Variants in CCL24 observed in about 807,000 individuals in gnomAD.
The protein encoded by CCL24 is C-C motif chemokine 24.
CCL24 carries 6 observed loss-of-function variants against 8.6 expected under a neutral mutation model. The ratio of observed to expected loss-of-function variants is 0.70; its 90% CI spans 0.38 to 1.38. The LOEUF is 1.38. Among genes scored for constraint, CCL24 ranks in the 40% most tolerant of loss-of-function variants. CCL24 has a pLI of 0.02. For synonymous variants in CCL24, 59 were observed against 52.7 expected (o/e 1.12, Z -0.52); for missense variants, 126 against 147.1 (o/e 0.86, Z 0.74).
rs186933220 is a variant in CCL24 at position 75,820,370 on chromosome 7, G to A, written c.-60+2952C>T. On this transcript the variant is annotated intron_variant, in intron 1 of 3. Transcript: ENST00000416943. ...ATTTTTTTGTACTTTTAGTGGAGGC[G>A]GGGTTCCACCATGTTGGCCAGACTG... Among the ~76,000 whole-genome samples, 511 of 152,008 alleles carry A rather than the reference G, an allele frequency of 3.4e-3. 4 individuals carry two copies. The highest frequency in any genetic ancestry group is 0.011 in the African/African-American group (460 of 41,478).
intron 1 of CCL24, among the ~76,000 whole-genome samples, chr7:75,820,018 A>ACTACTTCTTCTT (rs1554534776): frequency 1.9e-5 from 2 of 104,906 alleles, no homozygotes; most frequent in African/African-American, 6.9e-5. Context: ...TTAGTAAACT[A>ACTACTTCTTCTT]CTTCTTCTTC....
intron 1 of CCL24, among the ~76,000 whole-genome samples, chr7:75,820,094 CT>C (rs2115810370): frequency 7.7e-6 from 1 of 130,564 alleles, no homozygotes; most frequent in South Asian, 2.8e-4. Flanking sequence ...TCTTCCTCTT[CT>C]TCTTCTTCTT....
chr7:75,820,197 C>CT (rs1308538478), intron 1 of CCL24, among the ~76,000 whole-genome samples: 5 of 133,908 alleles, frequency 3.7e-5, no homozygotes, highest in South Asian at 2.5e-4. Context: ...CCTTCTCCTT[C>CT]TTTTTTTGAG....
chr7:75,813,256 T>C lies in CCL24; in HGVS notation c.191+50A>G, dbSNP rs373933211. 1.6e-4 allele frequency: 180 copies of C among 1,141,652 alleles called. No homozygotes were observed. In the African/African-American group the frequency reaches 2.5e-3, roughly 16 times the overall value. 70.7% of individuals were successfully genotyped at this position (1,141,652 alleles called of 1,614,324 possible). ...CCTTGCTTCTCAGGGACCCTGGAGTTGCACCTGCCCCCACCCCTCTCCTGC... is the reference window on the plus strand; with the variant it reads ...CCTTGCTTCTCAGGGACCCTGGAGTCGCACCTGCCCCCACCCCTCTCCTGC... On this transcript the variant is annotated intron_variant, in intron 2 of 2. Transcript: ENST00000222902.
Position 75,813,784 on chromosome 7 carries a change from A to G in CCL24, c.-69T>C. 7.7e-7 allele frequency: 1 copy of G among 1,293,318 alleles called. No individual in the cohort carries two copies. Among genetic ancestry groups the G allele is most frequent in the Non-Finnish European group, 1.1e-6 (1 of 889,944 alleles). The allele number at this position is 1,293,318 out of a possible 1,614,324, so 80.1% of individuals were successfully genotyped here. On this transcript the variant is annotated 5_prime_UTR_variant, in exon 1 of 3. Coordinates refer to ENST00000222902, the MANE Select transcript of CCL24 (RefSeq NM_002991.3). ...TGCAGGAGGAAAGGACCTAGGGATA[A>G]ATAGCTCGGGTCCTTGCAGAGTACC...
upstream of CCL24, among the ~76,000 whole-genome samples, chr7:75,814,391 C>A (rs1322561787): frequency 2.0e-5 from 3 of 151,938 alleles, no homozygotes; most frequent in African/African-American, 7.3e-5. Flanking sequence ...CAAAGCAAGA[C>A]CCTATCTCTA....
chr7:75,813,285 G>C (rs368941088), intron 2 of CCL24, 21 bp downstream of exon 2: 1 of 1,451,020 alleles, frequency 6.9e-7, no homozygotes, highest in Admixed American at 1.7e-5. Flanking sequence ...CTCCTGCCAC[G>C]TGCCCATGAA....
At chr7:75,820,025 CTTCTTCTTCTTCTTCT>C (rs1803994445) in intron 1 of CCL24, among the ~76,000 whole-genome samples, 6 of 104,980 alleles carry the variant, frequency 5.7e-5, no homozygotes, top group Middle Eastern at 4.1e-3. Context: ...ACTACTTCTT[CTTCTTCTTCTTCTTCT>C]TCTTCTTCTT....
chr7:75,813,621 T>C (rs782807798), intron 1 of CCL24, 22 bp downstream of exon 1: 18 of 1,601,210 alleles, frequency 1.1e-5, no homozygotes, highest in Non-Finnish European at 1.5e-5. Context: ...CCCTTGGAAC[T>C]GCATCCTGTC....
At position 75,820,098 on chromosome 7, in the gene CCL24, T is replaced by C. The variant is rs140147663; in HGVS notation, c.-60+3224A>G. On this transcript the variant is annotated intron_variant, in intron 1 of 3. Transcript: ENST00000416943. Reference sequence around the variant, plus strand: ...CTTCTTCTTCTTCTTCCTCTTCTTCTTCTTCTTCCTTCTTCTTCTTCTTCT... The same window carrying C: ...CTTCTTCTTCTTCTTCCTCTTCTTCCTCTTCTTCCTTCTTCTTCTTCTTCT... Among the ~76,000 whole-genome samples the C allele has an allele frequency of 6.6e-3, 784 of 118,090 alleles. 5 individuals carry two copies. Among genetic ancestry groups the C allele is most frequent in the African/African-American group, 0.016 (551 of 34,146 alleles). The allele number at this position is 118,090 out of a possible 152,430, so 77.5% of individuals were successfully genotyped here. A position where few individuals can be genotyped will look rare whatever the true frequency, so the allele number is the denominator to read the frequency against.
chr7:75,822,724 G>C (rs1554535253), intron 1 of CCL24, among the ~76,000 whole-genome samples: 1 of 152,190 alleles, frequency 6.6e-6, no homozygotes. Flanking sequence ...AGCTACTCAG[G>C]AGGTTGAGGC....
intron 1 of CCL24, among the ~76,000 whole-genome samples, chr7:75,823,158 G>T (rs537665548): frequency 7.9e-5 from 12 of 152,160 alleles, no homozygotes; most frequent in Non-Finnish European, 1.6e-4. Flanking sequence ...GGGGGAGAGG[G>T]CAGTGGGGTG....
At chr7:75,817,303 A>G (rs191412847), upstream of CCL24, among the ~76,000 whole-genome samples, 2 of 151,972 alleles carry the variant, frequency 1.3e-5, no homozygotes, top group African/African-American at 4.8e-5. Context: ...TGGGGGGAGA[A>G]AGGATGGTCA....
At chr7:75,818,624 A>AG (rs1288631882), upstream of CCL24, among the ~76,000 whole-genome samples, 2 of 151,036 alleles carry the variant, frequency 1.3e-5, no homozygotes, top group African/African-American at 2.4e-5. Context: ...AAAAAAAAAA[A>AG]AAAATTAGAA....
At chr7:75,815,172 C>T (rs1803863570), upstream of CCL24, among the ~76,000 whole-genome samples, 1 of 151,464 alleles carries the variant, frequency 6.6e-6, no homozygotes, top group African/African-American at 2.4e-5. Context: ...GACCCTGTCT[C>T]CAAAAGAAAT....
At chr7:75,813,460 C>G (rs782042194) in intron 1 of CCL24, 37 bp from the exon 2 acceptor site, 1 of 1,492,604 alleles carries the variant, frequency 6.7e-7, no homozygotes. Context: ...CGTCTTTTCC[C>G]AGCCTCCCCT....
upstream of CCL24, among the ~76,000 whole-genome samples, chr7:75,814,974 C>CT (rs781828261): frequency 7.9e-5 from 12 of 152,062 alleles, 1 homozygote; most frequent in South Asian, 1.9e-3. Flanking sequence ...GAATCCCTGC[C>CT]AAGGGTCTGC....
At position 75,813,701 on chromosome 7, in the gene CCL24, C is replaced by A; in HGVS notation, c.15G>T (p.Met5Ile). MAGL[M>I]TIVTSLLFLG... ...GGAACAGAAGGCTGGTTACTATGGT[C>A]ATCAGGCCTGCCATGTCTCAGAGAG... is the stretch of plus-strand genomic sequence containing the variant. The change falls in exon 1 of 3, where the codon ATG becomes ATT. Residue 5 changes from methionine to isoleucine, a missense_variant. Transcript: ENST00000222902. The A allele has an allele frequency of 1.2e-6, 2 of 1,613,922 alleles. No individual in the cohort carries two copies. Among genetic ancestry groups the A allele is most frequent in the South Asian group, 2.2e-5 (2 of 90,984 alleles).
rs536233711 is a variant in CCL24 at position 75,822,975 on chromosome 7, G to A, written c.-60+347C>T. Among the ~76,000 whole-genome samples the A allele has an allele frequency of 1.7e-3, 256 of 152,244 alleles. 2 individuals are homozygous for A. Among genetic ancestry groups the A allele is most frequent in the African/African-American group, 5.6e-3 (232 of 41,548 alleles). On this transcript the variant is annotated intron_variant, in intron 1 of 3. Transcript: ENST00000416943. ...GTCATGGTGCCAGGCAGCATGCTCC[G>A]CTGAGTGGCACCAATGCCACCACAC... is the stretch of plus-strand genomic sequence containing the variant.
Sources: gnomAD v4.1 joint callset for allele counts (sites outside exome capture counted in the v4.1 genomes callset) on GRCh38, gnomAD v4.1.1 for gene constraint, MANE v1.5 for transcripts, NCBI Gene and HGNC (gene_info 2026-07-23, HGNC 2026-07-21) for gene names.